KIF6: variants seen among roughly 807,000 people sequenced by gnomAD.
The protein encoded by KIF6 is kinesin-like protein KIF6.
Under a neutral mutation model 112.7 loss-of-function variants are expected in KIF6, and 106 were observed. The observed-to-expected ratio is 0.94, with a 90% confidence interval of 0.80 to 1.11. KIF6 has a LOEUF of 1.11. Among genes scored for constraint, KIF6 ranks in the 50% least tolerant of loss-of-function variants. The probability of loss-of-function intolerance (pLI) is 0.00; values close to 1 mark genes in which losing one functional copy is unlikely to be tolerated. For synonymous variants in KIF6, 339 were observed against 339.9 expected, an observed-to-expected ratio of 1.00 and a Z score of 0.03; for missense variants, 929 against 964.0, an observed-to-expected ratio of 0.96 and a Z score of 0.48.
chr6:39,382,752 C>T (rs1032288310), intron 16 of KIF6, among the ~76,000 whole-genome samples: 2 of 152,050 alleles, frequency 1.3e-5, no homozygotes, highest in African/African-American at 4.8e-5. Context: ...AAACTGCTTT[C>T]CAGAGGAGGT....
intron 12 of KIF6, among the ~76,000 whole-genome samples, chr6:39,543,894 G>C (rs1157195450): frequency 1.3e-5 from 2 of 152,200 alleles, no homozygotes; most frequent in East Asian, 3.9e-4. Flanking sequence ...CTGCCTCTTG[G>C]AGCCAATAAG....
intron 3 of KIF6, among the ~76,000 whole-genome samples, chr6:39,711,531 C>A (rs997702575): frequency 2.0e-5 from 3 of 152,036 alleles, no homozygotes; most frequent in Admixed American, 1.3e-4. Context: ...CCACCATGCC[C>A]AGCTGATTTT....
chr6:39,588,947 C>A (rs78569141), intron 7 of KIF6, among the ~76,000 whole-genome samples: 4 of 152,118 alleles, frequency 2.6e-5, no homozygotes, highest in Non-Finnish European at 4.4e-5. Context: ...CTGTTCTCCA[C>A]ACAGCAGCCA....
At chr6:39,551,697 A>G (rs186776261) in intron 10 of KIF6, among the ~76,000 whole-genome samples, 1 of 152,344 alleles carries the variant, frequency 6.6e-6, no homozygotes, top group Non-Finnish European at 1.5e-5. Flanking sequence ...ATTAACTTAA[A>G]GGAATATGAT....
chr6:39,387,474 A>G (rs924372784), intron 15 of KIF6, among the ~76,000 whole-genome samples: 1 of 152,134 alleles, frequency 6.6e-6, no homozygotes, highest in African/African-American at 2.4e-5. Context: ...ATGTGTCCCT[A>G]CTGGAGAGAA....
At chr6:39,656,919 G>A (rs1421827087) in intron 3 of KIF6, among the ~76,000 whole-genome samples, 2 of 151,926 alleles carry the variant, frequency 1.3e-5, no homozygotes, top group African/African-American at 4.8e-5. Context: ...TAATTTTCTT[G>A]TCTATTTGAC....
intron 14 of KIF6, among the ~76,000 whole-genome samples, chr6:39,428,996 A>G (rs1770955112): frequency 6.6e-6 from 1 of 152,198 alleles, no homozygotes; most frequent in African/African-American, 2.4e-5. Context: ...CTTCTTGGGA[A>G]ATAGACCCAG....
Position 39,672,352 on chromosome 6 carries a change from C to T in KIF6, c.252-32595G>A, listed in dbSNP as rs148079421. Among the ~76,000 whole-genome samples the T allele has an allele frequency of 5.3e-5, 8 of 152,240 alleles. No individual in the cohort carries two copies. The East Asian group carries it at 1.4e-3, about 26-fold the overall frequency. On this transcript the variant is annotated intron_variant, in intron 3 of 22. Transcript: ENST00000287152. The stretch of plus-strand genomic sequence containing the variant: ...GTTTTGTTATACGTTTTGCTTAAAG[C>T]CATAGTTTCCAAGAACATATCAATG...
At chr6:39,486,861 C>T (rs1381964019) in intron 13 of KIF6, among the ~76,000 whole-genome samples, 1 of 152,150 alleles carries the variant, frequency 6.6e-6, no homozygotes, top group Non-Finnish European at 1.5e-5. Context: ...TCTGAATATT[C>T]ACTTTGAAAT....
At chr6:39,419,647 A>G (rs1372116933) in intron 15 of KIF6, among the ~76,000 whole-genome samples, 1 of 152,194 alleles carries the variant, frequency 6.6e-6, no homozygotes, top group Non-Finnish European at 1.5e-5. Context: ...TGAAGTTATG[A>G]TTAGCTGAGC....
intron 3 of KIF6, among the ~76,000 whole-genome samples, chr6:39,654,487 CTTCATA>C (rs964144599): frequency 2.0e-5 from 3 of 152,154 alleles, no homozygotes; most frequent in African/African-American, 7.2e-5. Context: ...CTACTTCTCC[CTTCATA>C]TTAATTGCTC....
chr6:39,687,054 G>T (rs553330162), intron 3 of KIF6, among the ~76,000 whole-genome samples: 2 of 152,242 alleles, frequency 1.3e-5, no homozygotes, highest in South Asian at 4.2e-4. Context: ...GTATTCTGTA[G>T]CAACCCAGGA....
At chr6:39,516,993 A>G (rs1777121418) in intron 13 of KIF6, among the ~76,000 whole-genome samples, 2 of 152,168 alleles carry the variant, frequency 1.3e-5, no homozygotes, top group South Asian at 2.1e-4. Flanking sequence ...AGCAAATTTC[A>G]TTCTCCTTCC....
rs145583858 is a variant in KIF6 at position 39,641,532 on chromosome 6, T to C, written c.252-1775A>G. Among the ~76,000 whole-genome samples the C allele has an allele frequency of 6.1e-4, 92 of 152,060 alleles. 1 individual carries two copies. The East Asian group carries it at 0.016, about 26-fold the overall frequency. ...GGGGGAGGGATAGCATTAGGAGATATACCTAATGTTAAATAACGAGTTAAT... is the reference window on the plus strand; with the variant it reads ...GGGGGAGGGATAGCATTAGGAGATACACCTAATGTTAAATAACGAGTTAAT... On this transcript the variant is annotated intron_variant, in intron 3 of 22. Transcript: ENST00000287152.
intron 13 of KIF6, among the ~76,000 whole-genome samples, chr6:39,538,144 G>A (rs2150558392): frequency 6.6e-6 from 1 of 152,072 alleles, no homozygotes; most frequent in East Asian, 1.9e-4. Flanking sequence ...TACCATTCAG[G>A]ACACAGGCAT....
chr6:39,362,773 A>G (rs1339627202), intron 16 of KIF6, among the ~76,000 whole-genome samples: 1 of 152,140 alleles, frequency 6.6e-6, no homozygotes, highest in African/African-American at 2.4e-5. Flanking sequence ...TGTGTCTACT[A>G]ATCCTTTTAC....
chr6:39,505,883 G>A (rs1202721281), intron 13 of KIF6, among the ~76,000 whole-genome samples: 1 of 152,204 alleles, frequency 6.6e-6, no homozygotes, highest in Non-Finnish European at 1.5e-5. Flanking sequence ...GGACAAAGAG[G>A]AATGCTTTTA....
intron 10 of KIF6, among the ~76,000 whole-genome samples, chr6:39,568,517 A>C (rs1199101473): frequency 6.6e-6 from 1 of 151,890 alleles, no homozygotes; most frequent in Non-Finnish European, 1.5e-5. Flanking sequence ...ATTAGGCACA[A>C]ACTTTCTTGA....
chr6:39,422,983 G>C (rs1770483794), intron 14 of KIF6, among the ~76,000 whole-genome samples: 1 of 152,220 alleles, frequency 6.6e-6, no homozygotes, highest in Non-Finnish European at 1.5e-5. Context: ...CTTGAGGAGG[G>C]GCAGGAAGGT....
Sources: allele counts gnomAD v4.1 joint callset (sites outside exome capture counted in the v4.1 genomes callset), GRCh38; gene constraint gnomAD v4.1.1; transcripts MANE v1.5; gene names NCBI Gene and HGNC (gene_info 2026-07-23, HGNC 2026-07-21).